KCNMA1: variants seen among roughly 807,000 people sequenced by gnomAD.
KCNMA1 encodes potassium calcium-activated channel subfamily M alpha 1.
A neutral mutation model predicts 140.0 loss-of-function variants in KCNMA1; 29 were observed. The observed-to-expected ratio is 0.21, with a 90% CI of 0.15 to 0.28. KCNMA1 has a LOEUF of 0.28. Among genes scored for constraint, KCNMA1 ranks in the 10% least tolerant of loss-of-function variants. KCNMA1 has a pLI of 1.00. For missense variants in KCNMA1, 880 were observed against 1,602.2 expected (o/e 0.55, Z 7.70); for synonymous variants, 612 against 611.9 (o/e 1.00, Z 0.00).
intron 2 of KCNMA1, among the ~76,000 whole-genome samples, chr10:77,272,126 T>A (rs919626282): frequency 1.3e-5 from 2 of 152,154 alleles, no homozygotes; most frequent in African/African-American, 4.8e-5. Flanking sequence ...GGCTTATCAT[T>A]CCCTGAAATC....
intron 2 of KCNMA1, among the ~76,000 whole-genome samples, chr10:77,312,791 C>T (rs1054460497): frequency 6.6e-6 from 1 of 152,160 alleles, no homozygotes; most frequent in African/African-American, 2.4e-5. Context: ...TCACTGAGCC[C>T]TCCACATGAG....
At chr10:77,215,701 C>T (rs2047522830) in intron 3 of KCNMA1, among the ~76,000 whole-genome samples, 3 of 152,060 alleles carry the variant, frequency 2.0e-5, no homozygotes, top group Non-Finnish European at 4.4e-5. Flanking sequence ...GGATTGCATT[C>T]CCCCAAAATT....
chr10:76,937,211 T>G (rs2060797440), intron 23 of KCNMA1, among the ~76,000 whole-genome samples: 1 of 152,212 alleles, frequency 6.6e-6, no homozygotes, highest in South Asian at 2.1e-4. Context: ...TCCTTAATTA[T>G]TAACCATTGG....
intron 3 of KCNMA1, among the ~76,000 whole-genome samples, chr10:77,214,281 C>A (rs1195499797): frequency 6.6e-6 from 1 of 152,186 alleles, no homozygotes. Context: ...CTCCCATGTT[C>A]TTTTCTGCAC....
intron 23 of KCNMA1, among the ~76,000 whole-genome samples, chr10:76,925,181 ATGT>A (rs1300778656): frequency 6.6e-6 from 1 of 152,198 alleles, no homozygotes; most frequent in African/African-American, 2.4e-5. Flanking sequence ...TAATGTTTAA[ATGT>A]TGTTAAGCAT....
chr10:77,608,975 ACC>A (rs1291245130), intron 1 of KCNMA1, among the ~76,000 whole-genome samples: 1 of 152,206 alleles, frequency 6.6e-6, no homozygotes, highest in Non-Finnish European at 1.5e-5. Flanking sequence ...AGAAAAGAGA[ACC>A]CTGTTACACT....
chr10:77,084,598 T>C, intron 12 of KCNMA1, 39 bp downstream of exon 12: 4 of 1,517,650 alleles, frequency 2.6e-6, no homozygotes, highest in Non-Finnish European at 3.7e-6. Flanking sequence ...AGCCACAGAC[T>C]GCCAAGCCCA....
At chr10:77,289,643 C>T (rs1025035989) in intron 2 of KCNMA1, among the ~76,000 whole-genome samples, 3 of 152,106 alleles carry the variant, frequency 2.0e-5, no homozygotes, top group African/African-American at 4.8e-5. Flanking sequence ...TTCACAAGTG[C>T]CTGGTCCATG....
chr10:77,522,542 G>A (rs183409915), intron 1 of KCNMA1, among the ~76,000 whole-genome samples: 158 of 152,300 alleles, frequency 1.0e-3, no homozygotes, highest in African/African-American at 3.6e-3. Context: ...CCTGCTCCTA[G>A]CAACAGCCCC....
Position 77,496,337 on chromosome 10 carries a change from C to T in KCNMA1, c.379-92314G>A, listed in dbSNP as rs148099374. 1.9e-3 allele frequency among the ~76,000 whole-genome samples: 292 copies of T among 152,198 alleles called. 1 individual carries two copies. Among genetic ancestry groups the T allele is most frequent in the African/African-American group, 6.7e-3 (278 of 41,522 alleles). On this transcript the variant is annotated intron_variant, in intron 1 of 27. Coordinates refer to ENST00000286628, the MANE Select transcript of KCNMA1 (RefSeq NM_001161352.2). ...CAGGGCCGGGCACGGTGGCTCACGCCTGTAATCCCAGCACTTTGGGAGGCC... is the reference window on the plus strand; with the variant it reads ...CAGGGCCGGGCACGGTGGCTCACGCTTGTAATCCCAGCACTTTGGGAGGCC...
intron 1 of KCNMA1, among the ~76,000 whole-genome samples, chr10:77,604,897 T>C (rs1175370526): frequency 1.3e-5 from 2 of 151,810 alleles, no homozygotes; most frequent in Admixed American, 1.3e-4. Flanking sequence ...CCCCACCCCT[T>C]CCTTGTCAGG....
intron 6 of KCNMA1, among the ~76,000 whole-genome samples, chr10:77,114,091 G>A (rs753594114): frequency 6.6e-6 from 1 of 152,182 alleles, no homozygotes; most frequent in Non-Finnish European, 1.5e-5. Flanking sequence ...TCCACTGAGA[G>A]GTGCCCATTT....
intron 13 of KCNMA1, among the ~76,000 whole-genome samples, chr10:77,075,426 G>T (rs971353123): frequency 2.0e-4 from 30 of 152,232 alleles, no homozygotes; most frequent in Non-Finnish European, 1.5e-5. Flanking sequence ...TGTGAAAGGA[G>T]ATTTTTTTGG....
intron 2 of KCNMA1, among the ~76,000 whole-genome samples, chr10:77,298,827 C>T (rs1278143790): frequency 1.3e-5 from 2 of 152,212 alleles, no homozygotes; most frequent in African/African-American, 2.4e-5. Flanking sequence ...CAGACTGGCT[C>T]CCATTGTGTG....
At chr10:77,494,576 C>T (rs1171585501) in intron 1 of KCNMA1, among the ~76,000 whole-genome samples, 1 of 152,218 alleles carries the variant, frequency 6.6e-6, no homozygotes, top group Non-Finnish European at 1.5e-5. Context: ...TTTCACCACC[C>T]AGATGGGGAG....
At chr10:76,963,835 A>G (rs10762743) in intron 20 of KCNMA1, among the ~76,000 whole-genome samples, 121,719 of 152,042 alleles carry the variant, frequency 0.8, 48,965 homozygotes, top group East Asian at 0.98. Context: ...GTATCTAGTC[A>G]CTAAGACCTT....
intron 1 of KCNMA1, among the ~76,000 whole-genome samples, chr10:77,465,541 C>T (rs914110217): frequency 1.3e-4 from 20 of 152,194 alleles, no homozygotes; most frequent in African/African-American, 4.3e-4. Context: ...TTTAAACATA[C>T]TGAACCACAG....
intron 5 of KCNMA1, among the ~76,000 whole-genome samples, chr10:77,153,728 A>T (rs2098451236): frequency 6.6e-6 from 1 of 152,148 alleles, no homozygotes; most frequent in Non-Finnish European, 1.5e-5. Flanking sequence ...TCTCAGATTC[A>T]TAATGGTTTT....
chr10:77,032,624 C>A (rs2094013098), intron 15 of KCNMA1, among the ~76,000 whole-genome samples: 1 of 152,014 alleles, frequency 6.6e-6, no homozygotes, highest in African/African-American at 2.4e-5. Context: ...GGTCTTAAGC[C>A]AGCAATCTGC....
Sources: allele counts gnomAD v4.1 joint callset (sites outside exome capture counted in the v4.1 genomes callset), GRCh38; gene constraint gnomAD v4.1.1; transcripts MANE v1.5; gene names NCBI Gene and HGNC (gene_info 2026-07-23, HGNC 2026-07-21).